BFSP1: variants seen among roughly 807,000 people sequenced by gnomAD.
The protein encoded by BFSP1 is beaded filament structural protein 1, also known as filensin.
A neutral mutation model predicts 43.9 loss-of-function variants in BFSP1; 38 were observed. The ratio of observed to expected loss-of-function variants is 0.87; its 90% confidence interval spans 0.67 to 1.14. The LOEUF (loss-of-function observed/expected upper bound fraction) is 1.14. BFSP1 is among the 50% of genes most tolerant of loss of function. The pLI is 0.00. For synonymous variants in BFSP1, 352 were observed against 354.8 expected, an observed-to-expected ratio of 0.99 and a Z score of 0.09; for missense variants, 850 against 875.1, an observed-to-expected ratio of 0.97 and a Z score of 0.36.
chr20:17,539,982 A>G (rs1330737582), intron 1 of BFSP1, among the ~76,000 whole-genome samples: 1 of 152,174 alleles, frequency 6.6e-6, no homozygotes, highest in Non-Finnish European at 1.5e-5. Flanking sequence ...CATATTGTGC[A>G]TACAGTTTAG....
chr20:17,532,038 C>T (rs763020428), upstream of BFSP1, among the ~76,000 whole-genome samples: 31 of 152,270 alleles, frequency 2.0e-4, no homozygotes, highest in Non-Finnish European at 4.1e-4. Flanking sequence ...ACTTAGGAGA[C>T]ATGCACGGTT....
At chr20:17,510,498 C>G (rs2034051345) in intron 4 of BFSP1, among the ~76,000 whole-genome samples, 1 of 152,116 alleles carries the variant, frequency 6.6e-6, no homozygotes, top group African/African-American at 2.4e-5. Context: ...AGAACAGGAT[C>G]CTGAAATGGT....
intron 2 of BFSP1, among the ~76,000 whole-genome samples, chr20:17,515,525 A>G (rs1369781763): frequency 6.6e-6 from 1 of 152,252 alleles, no homozygotes; most frequent in Non-Finnish European, 1.5e-5. Context: ...TGGAAACGAC[A>G]TTGATCACAA....
upstream of BFSP1, chr20:17,560,445 C>T (rs1294076577): frequency 6.6e-6 from 1 of 152,186 alleles, no homozygotes; most frequent in East Asian, 1.9e-4. Context: ...CCTGAGAATT[C>T]CCAAGGGAAC....
At chr20:17,510,009 T>C (rs1324731588) in intron 4 of BFSP1, among the ~76,000 whole-genome samples, 1 of 152,206 alleles carries the variant, frequency 6.6e-6, no homozygotes, top group Admixed American at 6.5e-5. Flanking sequence ...CAGCCTCTGC[T>C]TCAAACACCT....
At chr20:17,513,186 C>T (rs375635668) in intron 3 of BFSP1, among the ~76,000 whole-genome samples, 1 of 152,174 alleles carries the variant, frequency 6.6e-6, no homozygotes, top group Non-Finnish European at 1.5e-5. Context: ...AGCTGGACTC[C>T]GGCTGAGGAC....
chr20:17,510,546 T>C (rs1001737996), intron 4 of BFSP1, among the ~76,000 whole-genome samples: 1 of 152,186 alleles, frequency 6.6e-6, no homozygotes, highest in Middle Eastern at 3.2e-3. Context: ...TCCTCATGAA[T>C]GCCAAAAAAA....
intron 2 of BFSP1, among the ~76,000 whole-genome samples, chr20:17,520,443 A>T (rs2034299648): frequency 6.6e-6 from 1 of 152,136 alleles, no homozygotes; most frequent in Non-Finnish European, 1.5e-5. Flanking sequence ...TCCATTTAAA[A>T]CCCAACTGCT....
At position 17,552,868 on chromosome 20, in the gene BFSP1, AG is replaced by A. The variant is rs2034917216; in HGVS notation, c.2+5819del. On this transcript the variant is annotated intron_variant, in intron 1 of 7. Coordinates refer to the BFSP1 transcript ENST00000377868. ...AGTTGAGATGTCTATGAAACATCCA[AG>A]GGCAAGTGTTGAATAGACAGTTGCA... Among the ~76,000 whole-genome samples, 4 of 152,344 alleles carry A rather than the reference AG, an allele frequency of 2.6e-5. No homozygotes were observed. In the South Asian group the frequency reaches 8.3e-4, roughly 32 times the overall value.
intron 1 of BFSP1, among the ~76,000 whole-genome samples, chr20:17,530,745 C>G (rs2034515690): frequency 6.6e-6 from 1 of 152,248 alleles, no homozygotes; most frequent in African/African-American, 2.4e-5. Context: ...GTAAATGATA[C>G]AACTTCGTGT....
upstream of BFSP1, among the ~76,000 whole-genome samples, chr20:17,561,213 T>C (rs921566478): frequency 9.2e-5 from 14 of 152,214 alleles, no homozygotes; most frequent in African/African-American, 3.1e-4. Context: ...GAATGTATCA[T>C]GGAGGTTGGG....
In BFSP1 at chr20:17,499,228, T is replaced by G. The variant is rs372202890; in HGVS notation, c.736-188A>C. On this transcript the variant is annotated intron_variant, in intron 5 of 7. Coordinates refer to ENST00000377873, the MANE Select transcript of BFSP1 (RefSeq NM_001195.5). ...AAAAGCAATGTGAAAACTGAGCTCC[T>G]GTGTCCTTACACAATTTTTTTTTTT... 9.8e-5 allele frequency among the ~76,000 whole-genome samples: 14 copies of G among 143,076 alleles called. No individual in the cohort carries two copies. In the South Asian group the frequency reaches 3.1e-3, roughly 31 times the overall value. The allele number at this position is 143,076 out of a possible 152,430, so 93.9% of individuals were successfully genotyped here.
chr20:17,553,884 T>C lies in BFSP1; in HGVS notation c.2+4804A>G, dbSNP rs557202599. ...ACACATATATATACATATATATATA[T>C]ACACACATATATATTTCTGATGGCA... On this transcript the variant is annotated intron_variant, in intron 1 of 7. Transcript: ENST00000377868. Among the ~76,000 whole-genome samples, 159 of 129,100 alleles carry C rather than the reference T, an allele frequency of 1.2e-3. 2 individuals are homozygous for C. The highest frequency in any genetic ancestry group is 4.1e-3 in the African/African-American group (133 of 32,300). 84.7% of individuals were successfully genotyped at this position (129,100 alleles called of 152,430 possible).
intron 1 of BFSP1, among the ~76,000 whole-genome samples, chr20:17,538,125 GA>G (rs1245927195): frequency 9.7e-5 from 11 of 113,434 alleles, no homozygotes; most frequent in South Asian, 5.5e-4. Context: ...TGTCTCAAAA[GA>G]AAAAAAAAAG....
At chr20:17,531,388 C>T (rs954546532), upstream of BFSP1, 14 of 1,279,712 alleles carry the variant, frequency 1.1e-5, no homozygotes, top group South Asian at 2.6e-4. Flanking sequence ...AGGCCCCCGG[C>T]GCAGCCCGCA....
At chr20:17,533,241 T>G (rs1157326664), upstream of BFSP1, among the ~76,000 whole-genome samples, 1 of 152,140 alleles carries the variant, frequency 6.6e-6, no homozygotes, top group Non-Finnish European at 1.5e-5. Flanking sequence ...AATTGTATGG[T>G]CAAATTGAGG....
chr20:17,509,815 C>T (rs893813578), intron 4 of BFSP1, among the ~76,000 whole-genome samples: 3 of 152,190 alleles, frequency 2.0e-5, no homozygotes, highest in African/African-American at 7.2e-5. Flanking sequence ...CACACTCTGC[C>T]AAGCAGGTCC....
chr20:17,531,662 G>C (rs1390071324), upstream of BFSP1, among the ~76,000 whole-genome samples: 1 of 152,184 alleles, frequency 6.6e-6, no homozygotes, highest in Non-Finnish European at 1.5e-5. Flanking sequence ...TCTTTTCACT[G>C]GTTCCACTGG....
At chr20:17,532,392 G>A (rs1380161856), upstream of BFSP1, among the ~76,000 whole-genome samples, 2 of 141,388 alleles carry the variant, frequency 1.4e-5, no homozygotes, top group African/African-American at 2.7e-5. Flanking sequence ...GTAACAGAGT[G>A]AGACTCCGTC....
Sources: gnomAD v4.1 joint callset for allele counts (sites outside exome capture counted in the v4.1 genomes callset) on GRCh38, gnomAD v4.1.1 for gene constraint, MANE v1.5 for transcripts, NCBI Gene and HGNC (gene_info 2026-07-23, HGNC 2026-07-21) for gene names.